Variants in NRXN3 observed in about 807,000 individuals in gnomAD.
NRXN3 encodes neurexin 3, also known as neurexin III.
NRXN3 carries 32 observed loss-of-function variants against 137.6 expected under a neutral mutation model. That is an observed-to-expected ratio of 0.23 (90% confidence interval 0.18 to 0.31). The LOEUF (loss-of-function observed/expected upper bound fraction) is 0.31. Ranked by LOEUF, NRXN3 falls within the 10% of genes least tolerant of loss-of-function variation. The probability of loss-of-function intolerance (pLI) is 1.00; values close to 1 mark genes in which losing one functional copy is unlikely to be tolerated. For synonymous variants in NRXN3, 798 were observed against 784.5 expected, an observed-to-expected ratio of 1.02 and a Z score of -0.29; for missense variants, 1,574 against 2,062.5, an observed-to-expected ratio of 0.76 and a Z score of 4.59.
At chr14:79,751,852 C>G (rs1206913885) in intron 19 of NRXN3, among the ~76,000 whole-genome samples, 1 of 151,704 alleles carries the variant, frequency 6.6e-6, no homozygotes, top group African/African-American at 2.4e-5. Flanking sequence ...GTCTTTGGTT[C>G]TGTTTATATG....
In NRXN3 at chr14:79,092,417, C is replaced by T. The variant is rs74563562; in HGVS notation, c.3262+104276C>T. Among the ~76,000 whole-genome samples, 1,463 of 152,282 alleles carry T rather than the reference C, an allele frequency of 9.6e-3. 15 individuals are homozygous for T. Among genetic ancestry groups the T allele is most frequent in the Middle Eastern group, 0.027 (8 of 294 alleles). ...ACCTTAGTCGCCTCTCAAGTGGGAACCACTGTTAACATTTCAATGTGCAGA... is the reference window on the plus strand; with the variant it reads ...ACCTTAGTCGCCTCTCAAGTGGGAATCACTGTTAACATTTCAATGTGCAGA... On this transcript the variant is annotated intron_variant, in intron 15 of 20. Transcript: ENST00000335750.
At chr14:79,334,928 A>G (rs377523684) in intron 15 of NRXN3, among the ~76,000 whole-genome samples, 13 of 152,180 alleles carry the variant, frequency 8.5e-5, no homozygotes, top group African/African-American at 2.9e-4. Context: ...CTTATTTTGC[A>G]TCTGTTTATT....
intron 15 of NRXN3, among the ~76,000 whole-genome samples, chr14:79,186,846 C>T (rs767182828): frequency 1.1e-4 from 17 of 152,190 alleles, no homozygotes; most frequent in South Asian, 8.3e-4. Context: ...CATTTAAGGC[C>T]GTTAACAAGA....
Position 78,645,274 on chromosome 14 carries a change from C to T in NRXN3, c.912C>T (p.Asp304=), listed in dbSNP as rs1654566837. The T allele has an allele frequency of 1.3e-6, 2 of 1,598,788 alleles. No homozygotes were observed. Among genetic ancestry groups the T allele is most frequent in the Non-Finnish European group, 1.7e-6 (2 of 1,179,822 alleles). Residue 304 remains aspartate (D), a synonymous_variant, in exon 5 of 21, where the codon GAC becomes GAT. Coordinates refer to ENST00000335750, the MANE Select transcript of NRXN3 (RefSeq NM_001330195.2). ...TCCTGCACACGGGCAAGTCGGCTGA[C>T]TATGTCAACCTGGCTCTGAAGGATG... ...GLILHTGKSA[D]YVNLALKDGA...
At chr14:78,490,830 T>A (rs531244837) in intron 4 of NRXN3, among the ~76,000 whole-genome samples, 1 of 152,228 alleles carries the variant, frequency 6.6e-6, no homozygotes, top group Non-Finnish European at 1.5e-5. Context: ...ACAGACAGAG[T>A]AGGTAACTTG....
At position 79,768,948 on chromosome 14, in the gene NRXN3, A is replaced by G. The variant is rs575659206; in HGVS notation, c.4015-36164A>G. 2.6e-4 allele frequency among the ~76,000 whole-genome samples: 39 copies of G among 151,542 alleles called. No individual in the cohort carries two copies. The South Asian group carries it at 7.6e-3, about 29-fold the overall frequency. On this transcript the variant is annotated intron_variant, in intron 19 of 20. Transcript: ENST00000335750. ...CTTAAAGGAGCTGATGGAGCTGAAA[A>G]CCAAGGCTCGAGAACTACGTGAAGA...
chr14:79,302,902 C>G (rs905263971), intron 15 of NRXN3, among the ~76,000 whole-genome samples: 1 of 151,864 alleles, frequency 6.6e-6, no homozygotes, highest in Admixed American at 6.6e-5. Context: ...ACAGACCACA[C>G]AGACCACCAA....
chr14:79,111,924 A>C (rs958797267), intron 15 of NRXN3, among the ~76,000 whole-genome samples: 1 of 152,200 alleles, frequency 6.6e-6, no homozygotes, highest in African/African-American at 2.4e-5. Flanking sequence ...TGTTCTCAAC[A>C]ACCTGTTATC....
intron 19 of NRXN3, among the ~76,000 whole-genome samples, chr14:79,732,863 C>T (rs2098928838): frequency 6.6e-6 from 1 of 152,136 alleles, no homozygotes; most frequent in Admixed American, 6.6e-5. Flanking sequence ...TACTCTTAAA[C>T]ACTATTTATA....
At chr14:79,731,755 A>C (rs2098923889) in intron 19 of NRXN3, among the ~76,000 whole-genome samples, 1 of 151,256 alleles carries the variant, frequency 6.6e-6, no homozygotes, top group Non-Finnish European at 1.5e-5. Context: ...AAGTGCTGGG[A>C]TTACAGGCGT....
chr14:78,481,998 C>T (rs2095480968), intron 4 of NRXN3, among the ~76,000 whole-genome samples: 1 of 152,112 alleles, frequency 6.6e-6, no homozygotes, highest in Non-Finnish European at 1.5e-5. Context: ...AAAGGGATTC[C>T]TTATATCAAG....
At chr14:78,767,891 T>C (rs1030944939) in intron 8 of NRXN3, among the ~76,000 whole-genome samples, 22 of 152,126 alleles carry the variant, frequency 1.4e-4, no homozygotes, top group African/African-American at 5.3e-4. Context: ...CATCTCAGCC[T>C]TGTCCCTGGG....
At chr14:78,981,530 T>A (rs2099489449) in intron 14 of NRXN3, among the ~76,000 whole-genome samples, 1 of 152,228 alleles carries the variant, frequency 6.6e-6, no homozygotes, top group Non-Finnish European at 1.5e-5. Context: ...ATCAACATTT[T>A]AAAAATTACT....
At chr14:78,434,785 A>G (rs2094006345) in intron 4 of NRXN3, among the ~76,000 whole-genome samples, 2 of 152,174 alleles carry the variant, frequency 1.3e-5, no homozygotes, top group Admixed American at 1.3e-4. Context: ...GCCATGATCA[A>G]TGGGTTGCAA....
At position 79,050,916 on chromosome 14, in the gene NRXN3, CAG is replaced by C. The variant is rs2099640908; in HGVS notation, c.3262+62780_3262+62781del. Among the ~76,000 whole-genome samples the C allele has an allele frequency of 3.9e-5, 6 of 152,198 alleles. No individual in the cohort carries two copies. The South Asian group carries it at 1.2e-3, about 31-fold the overall frequency. On this transcript the variant is annotated intron_variant, in intron 15 of 20. Coordinates refer to ENST00000335750, the MANE Select transcript of NRXN3 (RefSeq NM_001330195.2). ...ATATGATACAAATTCTCTCACACTG[CAG>C]AGAGTCTAATAATAGCTTACAGTAA... is the stretch of plus-strand genomic sequence containing the variant.
chr14:78,307,948 CT>C (rs917119129), intron 4 of NRXN3, among the ~76,000 whole-genome samples: 2 of 152,174 alleles, frequency 1.3e-5, no homozygotes, highest in South Asian at 2.1e-4. Context: ...AGATACTGCT[CT>C]TTTTTTCCCC....
intron 17 of NRXN3, among the ~76,000 whole-genome samples, chr14:79,681,104 C>A (rs1473221623): frequency 2.0e-5 from 3 of 152,154 alleles, no homozygotes; most frequent in Admixed American, 6.5e-5. Flanking sequence ...TTTGGTAATT[C>A]TTTCCTTAGA....
chr14:79,583,909 A>T (rs2097742284), intron 16 of NRXN3, among the ~76,000 whole-genome samples: 1 of 152,216 alleles, frequency 6.6e-6, no homozygotes, highest in Non-Finnish European at 1.5e-5. Context: ...CTCCCAGATA[A>T]AAGTGAGAAA....
At chr14:79,418,405 T>G (rs1307903755) in intron 15 of NRXN3, among the ~76,000 whole-genome samples, 1 of 152,250 alleles carries the variant, frequency 6.6e-6, no homozygotes, top group South Asian at 2.1e-4. Context: ...AGATTTGGTT[T>G]CATTTTAGTG....
Sources: allele counts gnomAD v4.1 joint callset (sites outside exome capture counted in the v4.1 genomes callset), GRCh38; gene constraint gnomAD v4.1.1; transcripts MANE v1.5; gene names NCBI Gene and HGNC (gene_info 2026-07-23, HGNC 2026-07-21).